The following MYO1D variants were observed in gnomAD, a reference collection of about 807,000 sequenced individuals.
MYO1D encodes the protein unconventional myosin-Id.
MYO1D carries 83 observed loss-of-function variants against 122.0 expected under a neutral mutation model. The observed-to-expected ratio is 0.68, with a 90% CI of 0.57 to 0.82. The LOEUF (loss-of-function observed/expected upper bound fraction) is 0.82. MYO1D is among the 40% of genes least tolerant of loss of function. The pLI is 0.00. For missense variants in MYO1D, 1,157 were observed against 1,269.5 expected (o/e 0.91, Z 1.35); for synonymous variants, 464 against 446.9 (o/e 1.04, Z -0.48).
intron 1 of MYO1D, among the ~76,000 whole-genome samples, chr17:32,787,024 A>G (rs1392483630): frequency 2.0e-5 from 3 of 152,154 alleles, no homozygotes; most frequent in African/African-American, 7.2e-5. Flanking sequence ...ACAAAAAAAA[A>G]TGTAGCTCTC....
At chr17:32,686,777 G>A (rs1173601058) in intron 16 of MYO1D, among the ~76,000 whole-genome samples, 1 of 152,026 alleles carries the variant, frequency 6.6e-6, no homozygotes, top group African/African-American at 2.4e-5. Flanking sequence ...AGGCAGGAGG[G>A]ATCACCTGAG....
At chr17:32,624,963 G>C (rs1005755402) in intron 20 of MYO1D, among the ~76,000 whole-genome samples, 2 of 151,882 alleles carry the variant, frequency 1.3e-5, no homozygotes, top group African/African-American at 4.8e-5. Context: ...GCTAATTTTT[G>C]TATTTTTAGT....
intron 1 of MYO1D, among the ~76,000 whole-genome samples, chr17:32,836,357 C>G (rs532640305): frequency 6.6e-6 from 1 of 152,272 alleles, no homozygotes; most frequent in Non-Finnish European, 1.5e-5. Context: ...TGTTAAAGAG[C>G]ACATATAGGG....
rs1909014468 is a variant in MYO1D, at chr17:32,494,525, G to A, written c.*234C>T. 1.8e-6 allele frequency: 1 copy of A among 567,018 alleles called. No individual in the cohort carries two copies. The highest frequency in any genetic ancestry group is 2.2e-5 in the South Asian group (1 of 45,212). 35.1% of individuals were successfully genotyped at this position (567,018 alleles called of 1,614,324 possible). ...GATTGGTCTGGACGTCAGCCCAGGG[G>A]TCTGGGCGGGGCACCAGGGTCTTTG... On this transcript the variant is annotated 3_prime_UTR_variant, in exon 22 of 22. Coordinates refer to ENST00000318217, the MANE Select transcript of MYO1D (RefSeq NM_015194.3).
intron 4 of MYO1D, among the ~76,000 whole-genome samples, chr17:32,773,135 C>T (rs2090135697): frequency 6.6e-6 from 1 of 152,238 alleles, no homozygotes; most frequent in African/African-American, 2.4e-5. Context: ...AGTCCTCAGA[C>T]CAACCAGCCC....
At chr17:32,828,282 C>T (rs553955734) in intron 1 of MYO1D, among the ~76,000 whole-genome samples, 4 of 151,998 alleles carry the variant, frequency 2.6e-5, no homozygotes, top group East Asian at 3.9e-4. Flanking sequence ...TTTGGGAGGC[C>T]GAGTCGGGCG....
intron 1 of MYO1D, among the ~76,000 whole-genome samples, chr17:32,836,930 G>C (rs1403530363): frequency 1.3e-5 from 2 of 152,060 alleles, no homozygotes; most frequent in African/African-American, 2.4e-5. Context: ...CTAGGTCATA[G>C]GATAGGTATA....
intron 16 of MYO1D, among the ~76,000 whole-genome samples, chr17:32,687,684 C>A (rs767876045): frequency 2.0e-4 from 31 of 152,166 alleles, no homozygotes; most frequent in Non-Finnish European, 4.4e-4. Flanking sequence ...ACTCCATTTG[C>A]TTGGTATTAC....
chr17:32,647,078 T>G (rs779962308), intron 19 of MYO1D, among the ~76,000 whole-genome samples: 26 of 152,224 alleles, frequency 1.7e-4, no homozygotes, highest in Non-Finnish European at 3.4e-4. Flanking sequence ...TGTTTTTCCC[T>G]AAACACTACA....
At chr17:32,789,143 T>C (rs207476365) in intron 1 of MYO1D, among the ~76,000 whole-genome samples, 1 of 152,212 alleles carries the variant, frequency 6.6e-6, no homozygotes, top group Non-Finnish European at 1.5e-5. Context: ...AATTTGTTTA[T>C]CAGATCTAGG....
intron 12 of MYO1D, among the ~76,000 whole-genome samples, chr17:32,747,928 C>T (rs985960590): frequency 3.3e-5 from 5 of 152,120 alleles, no homozygotes; most frequent in African/African-American, 1.2e-4. Flanking sequence ...GATGCAGCTA[C>T]AAGCCAAGGA....
At chr17:32,579,405 C>T (rs925088720) in intron 21 of MYO1D, among the ~76,000 whole-genome samples, 41 of 152,130 alleles carry the variant, frequency 2.7e-4, no homozygotes, top group Admixed American at 1.6e-3. Flanking sequence ...TGTATTTGTT[C>T]GTGCTGTTTT....
rs532676888 is a variant in MYO1D at position 32,694,625 on chromosome 17, C to T, written c.2121+17363G>A. On this transcript the variant is annotated intron_variant, in intron 16 of 21. Transcript: ENST00000318217. Reference sequence around the variant, plus strand: ...CTGAGGCAGGAGAATGGCGTGAACCCGGGAAGCGGAGCTTGCAGTGAGCCG... The same window carrying T: ...CTGAGGCAGGAGAATGGCGTGAACCTGGGAAGCGGAGCTTGCAGTGAGCCG... Among the ~76,000 whole-genome samples, 711 of 134,264 alleles carry T rather than the reference C, an allele frequency of 5.3e-3. 2 individuals carry two copies. Among genetic ancestry groups the T allele is most frequent in the African/African-American group, 0.019 (682 of 35,732 alleles). The allele number at this position is 134,264 out of a possible 152,430, so 88.1% of individuals were successfully genotyped here.
chr17:32,559,863 G>T (rs140169162), intron 21 of MYO1D, among the ~76,000 whole-genome samples: 2,720 of 152,180 alleles, frequency 0.018, 42 homozygotes, highest in South Asian at 0.043. Context: ...TTTAAATGAA[G>T]TATTTCTTGA....
intron 16 of MYO1D, among the ~76,000 whole-genome samples, chr17:32,665,830 T>G (rs750747008): frequency 6.6e-6 from 1 of 152,142 alleles, no homozygotes; most frequent in Non-Finnish European, 1.5e-5. Flanking sequence ...AGGTTGGGAG[T>G]AGCCATCTGT....
chr17:32,605,266 AC>A, intron 20 of MYO1D, 25 bp from the exon 21 acceptor site: 6 of 1,539,022 alleles, frequency 3.9e-6, no homozygotes, highest in Non-Finnish European at 5.3e-6. Context: ...TGCATGGAAA[AC>A]TATTTGGATC....
intron 21 of MYO1D, among the ~76,000 whole-genome samples, chr17:32,503,807 C>T (rs2150854539): frequency 6.6e-6 from 1 of 152,348 alleles, no homozygotes; most frequent in East Asian, 1.9e-4. Context: ...GAGCTCATGA[C>T]TGCAGCTGTT....
intron 1 of MYO1D, among the ~76,000 whole-genome samples, chr17:32,791,067 A>G (rs968062852): frequency 1.3e-5 from 2 of 152,156 alleles, no homozygotes; most frequent in Non-Finnish European, 2.9e-5. Flanking sequence ...GGGCATTAAA[A>G]TCATGTCAGT....
intron 16 of MYO1D, among the ~76,000 whole-genome samples, chr17:32,691,289 C>T (rs1423030261): frequency 6.6e-6 from 1 of 150,646 alleles, no homozygotes; most frequent in Non-Finnish European, 1.5e-5. Flanking sequence ...CTTATTTCTT[C>T]TATCTTACTG....
Sources: gnomAD v4.1 joint callset for allele counts (sites outside exome capture counted in the v4.1 genomes callset) on GRCh38, gnomAD v4.1.1 for gene constraint, MANE v1.5 for transcripts, NCBI Gene and HGNC (gene_info 2026-07-23, HGNC 2026-07-21) for gene names.